The following KIAA1958 variants were observed in gnomAD, a reference collection of about 807,000 sequenced individuals.
KIAA1958 encodes KIAA1958.
A neutral mutation model predicts 47.2 loss-of-function variants in KIAA1958; 14 were observed. The ratio of observed to expected loss-of-function variants is 0.30; its 90% CI spans 0.20 to 0.46. KIAA1958 has a LOEUF of 0.46. Ranked by LOEUF, KIAA1958 falls within the 20% of genes least tolerant of loss-of-function variation. KIAA1958 has a pLI of 1.00. For synonymous variants in KIAA1958, 354 were observed against 353.3 expected (o/e 1.00, Z -0.02); for missense variants, 803 against 909.2 (o/e 0.88, Z 1.50).
At chr9:112,549,640 A>G (rs4979134) in intron 1 of KIAA1958, among the ~76,000 whole-genome samples, 145,401 of 152,326 alleles carry the variant, frequency 0.95, 69,467 homozygotes, top group African/African-American at 0.99. Flanking sequence ...AGACATTTAA[A>G]TAGGGTAACA....
chr9:112,497,859 T>C (rs1834070753), intron 1 of KIAA1958, among the ~76,000 whole-genome samples: 1 of 152,204 alleles, frequency 6.6e-6, no homozygotes, highest in African/African-American at 2.4e-5. Context: ...AGTCCAAAAC[T>C]CAGCATCTAT....
intron 2 of KIAA1958, among the ~76,000 whole-genome samples, chr9:112,634,239 T>G (rs1836760479): frequency 6.6e-6 from 1 of 152,178 alleles, no homozygotes; most frequent in Admixed American, 6.5e-5. Context: ...AATTTTGTCC[T>G]TTTTTTGGGA....
At chr9:112,644,623 A>G (rs1053036269) in intron 2 of KIAA1958, among the ~76,000 whole-genome samples, 1 of 152,156 alleles carries the variant, frequency 6.6e-6, no homozygotes, top group Non-Finnish European at 1.5e-5. Context: ...AAAATTGGAC[A>G]TGTTGAGACC....
At position 112,659,679 on chromosome 9, in the gene KIAA1958, A is replaced by G; in HGVS notation, c.1761A>G (p.Lys587=). The G allele has an allele frequency of 6.2e-7, 1 of 1,614,180 alleles. No individual in the cohort carries two copies. The highest frequency in any genetic ancestry group is 8.5e-7 in the Non-Finnish European group (1 of 1,180,032). The change falls in exon 4 of 4, where the codon AAA becomes AAG. Residue 587 remains lysine (K), a synonymous_variant. Coordinates refer to ENST00000337530, the MANE Select transcript of KIAA1958 (RefSeq NM_133465.4). ...DLMYGDIELL[K]DPQNQPYFAR... ...TGTATGGTGACATCGAGCTGCTCAAAGACCCCCAAAACCAGCCCTACTTTG... is the reference window on the plus strand; with the variant it reads ...TGTATGGTGACATCGAGCTGCTCAAGGACCCCCAAAACCAGCCCTACTTTG...
intron 3 of KIAA1958, 66 bp downstream of exon 3, chr9:112,645,888 G>T: frequency 6.9e-7 from 1 of 1,442,088 alleles, no homozygotes; most frequent in Non-Finnish European, 9.5e-7. Flanking sequence ...CAGGCACTGT[G>T]CTAAGCATTG....
At chr9:112,513,355 G>A (rs1173075455) in intron 1 of KIAA1958, among the ~76,000 whole-genome samples, 1 of 148,054 alleles carries the variant, frequency 6.8e-6, no homozygotes, top group Non-Finnish European at 1.5e-5. Flanking sequence ...GGCCAGATTG[G>A]GAAGACTTTT....
chr9:112,524,932 G>T (rs1429850453), intron 1 of KIAA1958, among the ~76,000 whole-genome samples: 1 of 152,122 alleles, frequency 6.6e-6, no homozygotes, highest in Non-Finnish European at 1.5e-5. Context: ...TATAATTCTG[G>T]TTGGCTGTGT....
chr9:112,507,324 G>T (rs1834249714), intron 1 of KIAA1958, among the ~76,000 whole-genome samples: 1 of 152,122 alleles, frequency 6.6e-6, no homozygotes, highest in African/African-American at 2.4e-5. Flanking sequence ...GTGTGGAACT[G>T]ACTGAGTATT....
At chr9:112,573,518 C>CTGG (rs1264576698) in intron 1 of KIAA1958, among the ~76,000 whole-genome samples, 1 of 152,206 alleles carries the variant, frequency 6.6e-6, no homozygotes, top group Non-Finnish European at 1.5e-5. Context: ...GCATTGTCTT[C>CTGG]TGGTGCCCAG....
chr9:112,639,665 A>G (rs138959112), intron 2 of KIAA1958, among the ~76,000 whole-genome samples: 3 of 152,248 alleles, frequency 2.0e-5, no homozygotes, highest in Non-Finnish European at 4.4e-5. Context: ...AAGCCCTGTA[A>G]CTGCTTGCCA....
At chr9:112,564,678 A>G (rs1049853923) in intron 1 of KIAA1958, among the ~76,000 whole-genome samples, 2 of 152,204 alleles carry the variant, frequency 1.3e-5, no homozygotes, top group Non-Finnish European at 2.9e-5. Context: ...ATGTATGTAA[A>G]CATAAAATTT....
rs1332086663 is a variant in KIAA1958 at position 112,659,877 on chromosome 9, C to T, written c.1959C>T (p.Tyr653=). 1.9e-6 allele frequency: 3 copies of T among 1,614,132 alleles called. No individual in the cohort carries two copies. Among genetic ancestry groups the T allele is most frequent in the Admixed American group, 3.3e-5 (2 of 60,012 alleles). ...PTQMEAKSPF[Y]LTARKEATDM... is the part of the protein sequence containing the mutation. ...AAATGGAGGCCAAGTCCCCCTTCTACCTGACTGCCAGGAAGGAGGCCACAG... is the reference window on the plus strand; with the variant it reads ...AAATGGAGGCCAAGTCCCCCTTCTATCTGACTGCCAGGAAGGAGGCCACAG... The change falls in exon 4 of 4, where the codon TAC becomes TAT. Residue 653 remains tyrosine, a synonymous_variant. Coordinates refer to ENST00000337530, the MANE Select transcript of KIAA1958 (RefSeq NM_133465.4).
chr9:112,500,642 T>C (rs1449926655), intron 1 of KIAA1958, among the ~76,000 whole-genome samples: 1 of 152,176 alleles, frequency 6.6e-6, no homozygotes, highest in Non-Finnish European at 1.5e-5. Context: ...AGATATTTTA[T>C]AGTTACTTTA....
intron 3 of KIAA1958, among the ~76,000 whole-genome samples, chr9:112,653,572 C>T (rs1172196244): frequency 6.6e-6 from 1 of 152,152 alleles, no homozygotes; most frequent in Non-Finnish European, 1.5e-5. Context: ...TGGGCCTCCT[C>T]ACATGGCAAC....
At chr9:112,512,822 G>A (rs1834344558) in intron 1 of KIAA1958, among the ~76,000 whole-genome samples, 3 of 151,648 alleles carry the variant, frequency 2.0e-5, no homozygotes, top group African/African-American at 7.3e-5. Flanking sequence ...AGCAGTCAGG[G>A]ATAGGTGTTT....
intron 1 of KIAA1958, among the ~76,000 whole-genome samples, chr9:112,496,134 C>A (rs1370355605): frequency 6.6e-6 from 1 of 152,102 alleles, no homozygotes; most frequent in Non-Finnish European, 1.5e-5. Context: ...TGTTTTAAGC[C>A]ACTAAATTTT....
chr9:112,495,698 A>T (rs574361838), intron 1 of KIAA1958, among the ~76,000 whole-genome samples: 1 of 152,208 alleles, frequency 6.6e-6, no homozygotes, highest in African/African-American at 2.4e-5. Context: ...TACTCACCCA[A>T]ATATATGGAC....
intron 2 of KIAA1958, among the ~76,000 whole-genome samples, chr9:112,591,245 G>A (rs989276315): frequency 3.9e-5 from 6 of 151,926 alleles, no homozygotes; most frequent in Non-Finnish European, 1.5e-5. Flanking sequence ...CACCACGCCC[G>A]GCTAATTTTT....
chr9:112,550,610 A>T (rs1232031997), intron 1 of KIAA1958, among the ~76,000 whole-genome samples: 1 of 152,194 alleles, frequency 6.6e-6, no homozygotes. Context: ...GAAAAGGCAG[A>T]CGGATGAAGT....
Sources: allele counts gnomAD v4.1 joint callset (sites outside exome capture counted in the v4.1 genomes callset), GRCh38; gene constraint gnomAD v4.1.1; transcripts MANE v1.5; gene names NCBI Gene and HGNC (gene_info 2026-07-23, HGNC 2026-07-21).